The following NAALADL2 variants were observed in gnomAD, a reference collection of about 807,000 sequenced individuals.
The protein encoded by NAALADL2 is N-acetylated alpha-linked acidic dipeptidase like 2, also known as inactive N-acetylated-alpha-linked acidic dipeptidase-like protein 2.
In NAALADL2, 76 loss-of-function variants were observed where a neutral mutation model predicts 87.2. The observed-to-expected ratio is 0.87, with a 90% CI of 0.72 to 1.05. The LOEUF (loss-of-function observed/expected upper bound fraction) is 1.05, where lower values mean the gene tolerates loss of function less well. Among genes scored for constraint, NAALADL2 ranks in the 50% least tolerant of loss-of-function variants. NAALADL2 has a pLI of 0.00. For missense variants in NAALADL2, 1,089 were observed against 945.8 expected (o/e 1.15, Z -1.99); for synonymous variants, 354 against 331.0 (o/e 1.07, Z -0.75).
intron 13 of NAALADL2, among the ~76,000 whole-genome samples, chr3:175,764,215 T>C (rs1187264392): frequency 6.6e-6 from 1 of 151,892 alleles, no homozygotes; most frequent in East Asian, 1.9e-4. Flanking sequence ...TTTTTCATTC[T>C]TATGTATGGT....
intron 5 of NAALADL2, among the ~76,000 whole-genome samples, chr3:175,423,654 C>T (rs1348483715): frequency 6.6e-6 from 1 of 152,110 alleles, no homozygotes; most frequent in African/African-American, 2.4e-5. Context: ...ATTTTCTAAT[C>T]CAGTCTATCA....
chr3:174,932,116 A>G (rs1736985746), intron 1 of NAALADL2, among the ~76,000 whole-genome samples: 1 of 152,048 alleles, frequency 6.6e-6, no homozygotes, highest in Admixed American at 6.6e-5. Flanking sequence ...CATAATGTTG[A>G]CCCCTGATGG....
chr3:175,286,349 T>C (rs1754974411), intron 4 of NAALADL2, among the ~76,000 whole-genome samples: 1 of 152,160 alleles, frequency 6.6e-6, no homozygotes, highest in South Asian at 2.1e-4. Context: ...TGAGCCTTGA[T>C]GGGCCACGAT....
intron 5 of NAALADL2, among the ~76,000 whole-genome samples, chr3:175,442,588 C>A (rs980201138): frequency 6.6e-6 from 1 of 152,112 alleles, no homozygotes; most frequent in Non-Finnish European, 1.5e-5. Flanking sequence ...TTATTTGTAA[C>A]ATTTCAAACA....
intron 11 of NAALADL2, among the ~76,000 whole-genome samples, chr3:175,686,474 A>C (rs1736309439): frequency 6.6e-6 from 1 of 152,132 alleles, no homozygotes; most frequent in African/African-American, 2.4e-5. Flanking sequence ...TTTTTAATTA[A>C]TGTATGTTTT....
chr3:174,763,617 G>A (rs1303252756), intron 3 of NAALADL2, among the ~76,000 whole-genome samples: 8 of 84,182 alleles, frequency 9.5e-5, no homozygotes, highest in Admixed American at 2.4e-4. Context: ...AAATGTTGAA[G>A]TAGCATTTCT....
intron 3 of NAALADL2, among the ~76,000 whole-genome samples, chr3:174,848,326 G>C (rs1724867761): frequency 6.6e-6 from 1 of 151,972 alleles, no homozygotes; most frequent in Non-Finnish European, 1.5e-5. Flanking sequence ...CTTACAAGTT[G>C]AACCTGCAAA....
chr3:175,048,770 G>A (rs1442603164), intron 1 of NAALADL2, among the ~76,000 whole-genome samples: 1 of 151,738 alleles, frequency 6.6e-6, no homozygotes, highest in Non-Finnish European at 1.5e-5. Flanking sequence ...TCAGTTCTTT[G>A]GCAACTGTAA....
chr3:175,308,931 C>T (rs1758015755), intron 4 of NAALADL2, among the ~76,000 whole-genome samples: 1 of 152,100 alleles, frequency 6.6e-6, no homozygotes, highest in African/African-American at 2.4e-5. Context: ...ATTTGCTCCC[C>T]TATAAAAGAA....
At chr3:174,732,340 G>A (rs565736868) in intron 2 of NAALADL2, among the ~76,000 whole-genome samples, 1 of 152,006 alleles carries the variant, frequency 6.6e-6, no homozygotes, top group Non-Finnish European at 1.5e-5. Context: ...TAGAAACTAG[G>A]CAAGAGAGCA....
chr3:174,611,866 A>G (rs554159194), intron 2 of NAALADL2, among the ~76,000 whole-genome samples: 1 of 151,248 alleles, frequency 6.6e-6, no homozygotes, highest in Non-Finnish European at 1.5e-5. Flanking sequence ...AAGTGCTGGG[A>G]TTACAGGTGT....
chr3:175,249,703 GGTAACTAA>G (rs1748657836), intron 3 of NAALADL2, among the ~76,000 whole-genome samples: 1 of 151,956 alleles, frequency 6.6e-6, no homozygotes, highest in South Asian at 2.1e-4. Flanking sequence ...AGAACTTTAG[GGTAACTAA>G]GTAATATACA....
chr3:175,387,907 T>G (rs1162896782), intron 5 of NAALADL2, among the ~76,000 whole-genome samples: 1 of 152,116 alleles, frequency 6.6e-6, no homozygotes, highest in Non-Finnish European at 1.5e-5. Flanking sequence ...CATTTTACAT[T>G]TGAAGATATC....
At chr3:174,623,800 G>A (rs1268546064) in intron 2 of NAALADL2, among the ~76,000 whole-genome samples, 1 of 152,004 alleles carries the variant, frequency 6.6e-6, no homozygotes, top group African/African-American at 2.4e-5. Flanking sequence ...AAACCACATA[G>A]ATTCAGAAAT....
intron 11 of NAALADL2, among the ~76,000 whole-genome samples, chr3:175,725,764 A>T (rs1203507065): frequency 6.6e-6 from 1 of 152,174 alleles, no homozygotes; most frequent in Non-Finnish European, 1.5e-5. Context: ...TAACTGAGCA[A>T]TGCTTCTATT....
At chr3:175,458,857 C>T (rs1295348762) in intron 6 of NAALADL2, among the ~76,000 whole-genome samples, 1 of 152,138 alleles carries the variant, frequency 6.6e-6, no homozygotes, top group African/African-American at 2.4e-5. Context: ...AACTTCCTCA[C>T]TCCACCCAGG....
At chr3:175,112,732 T>C (rs1223128053) in intron 2 of NAALADL2, 1 of 151,672 alleles carries the variant, frequency 6.6e-6, no homozygotes, top group Non-Finnish European at 1.5e-5. Flanking sequence ...ATTTAGTAAA[T>C]ACAAAGATGG....
intron 2 of NAALADL2, among the ~76,000 whole-genome samples, chr3:174,699,827 T>C (rs949196070): frequency 4.2e-5 from 6 of 142,124 alleles, no homozygotes; most frequent in African/African-American, 1.6e-4. Context: ...AAGGCCCTCA[T>C]TTTAAGATGC....
chr3:175,166,665 T>G (rs1734050390), intron 2 of NAALADL2, among the ~76,000 whole-genome samples: 1 of 152,076 alleles, frequency 6.6e-6, no homozygotes, highest in Admixed American at 6.6e-5. Context: ...TCTCCCTAGA[T>G]GATTTCATAC....
Sources: gnomAD v4.1 joint callset for allele counts (sites outside exome capture counted in the v4.1 genomes callset) on GRCh38, gnomAD v4.1.1 for gene constraint, MANE v1.5 for transcripts, NCBI Gene and HGNC (gene_info 2026-07-23, HGNC 2026-07-21) for gene names.